The following C1QTNF3 variants were observed in gnomAD, a reference collection of about 807,000 sequenced individuals.
C1QTNF3 encodes the protein complement C1q tumor necrosis factor-related protein 3.
C1QTNF3 carries 26 observed loss-of-function variants against 32.6 expected under a neutral mutation model. The observed-to-expected ratio is 0.80, with a 90% CI of 0.58 to 1.11. C1QTNF3 has a LOEUF of 1.11. C1QTNF3 is among the 50% of genes least tolerant of loss of function. The pLI, the probability that C1QTNF3 is intolerant of heterozygous loss-of-function variation, is 0.00. For missense variants in C1QTNF3, 362 were observed against 398.2 expected (o/e 0.91, Z 0.77); for synonymous variants, 155 against 146.0 (o/e 1.06, Z -0.44).
chr5:34,096,768 G>A, the C1QTNF3 span, among the ~76,000 whole-genome samples: 1 of 151,904 alleles, frequency 6.6e-6, no homozygotes, highest in Non-Finnish European at 1.5e-5. Flanking sequence ...TATAAACCTG[G>A]GTTAATGGAG....
the C1QTNF3 span, among the ~76,000 whole-genome samples, chr5:34,132,053 A>G: frequency 9.2e-5 from 14 of 152,128 alleles, no homozygotes. Context: ...AATTGTGATG[A>G]CTCGTGTGAT....
At chr5:34,052,626 T>C in the C1QTNF3 span, among the ~76,000 whole-genome samples, 2 of 152,344 alleles carry the variant, frequency 1.3e-5, no homozygotes, top group Non-Finnish European at 2.9e-5. Context: ...GCTCATGATA[T>C]CTATCTTACA....
At chr5:34,176,554 A>G in the C1QTNF3 span, among the ~76,000 whole-genome samples, 3 of 152,270 alleles carry the variant, frequency 2.0e-5, no homozygotes, top group East Asian at 5.8e-4. Context: ...CTATCTGCTG[A>G]TACAGTCTTA....
the C1QTNF3 span, among the ~76,000 whole-genome samples, chr5:34,101,203 C>G: frequency 1.3e-5 from 2 of 150,870 alleles, no homozygotes; most frequent in Non-Finnish European, 3.0e-5. Flanking sequence ...AACCCACCAC[C>G]CAGAATGCTT....
chr5:34,163,438 T>G, the C1QTNF3 span, among the ~76,000 whole-genome samples: 1 of 151,172 alleles, frequency 6.6e-6, no homozygotes, highest in African/African-American at 2.4e-5. Flanking sequence ...TTATTATATT[T>G]GTATTTTAAT....
chr5:34,157,630 T>C, the C1QTNF3 span, among the ~76,000 whole-genome samples: 1 of 152,198 alleles, frequency 6.6e-6, no homozygotes, highest in East Asian at 1.9e-4. Context: ...GAAAGAGAGA[T>C]GTGACTATAG....
chr5:34,197,407 A>C, the C1QTNF3 span, among the ~76,000 whole-genome samples: 6 of 152,252 alleles, frequency 3.9e-5, no homozygotes, highest in Admixed American at 3.3e-4. Context: ...TTATAAAAGA[A>C]ATCCCAAAAT....
chr5:34,133,654 C>T, the C1QTNF3 span, among the ~76,000 whole-genome samples: 3 of 152,158 alleles, frequency 2.0e-5, no homozygotes, highest in Admixed American at 6.5e-5. Context: ...GTTACACTGA[C>T]GAGGTCATGT....
the C1QTNF3 span, among the ~76,000 whole-genome samples, chr5:34,213,740 AGTG>A: frequency 4.4e-5 from 6 of 136,768 alleles, no homozygotes; most frequent in East Asian, 2.1e-4. Context: ...ACGTATATAT[AGTG>A]TGTGTATATA....
the C1QTNF3 span, among the ~76,000 whole-genome samples, chr5:34,201,804 C>T: frequency 2.6e-5 from 4 of 152,152 alleles, no homozygotes; most frequent in Non-Finnish European, 5.9e-5. Flanking sequence ...AAGTGCATTT[C>T]ATACATATAC....
At chr5:34,175,764 A>C in the C1QTNF3 span, 1 of 655,948 alleles carries the variant, frequency 1.5e-6, no homozygotes, top group South Asian at 1.8e-5. Flanking sequence ...AGAATGGGCA[A>C]GGCAACCTGA....
At chr5:34,197,083 T>C in the C1QTNF3 span, among the ~76,000 whole-genome samples, 1 of 152,310 alleles carries the variant, frequency 6.6e-6, no homozygotes, top group South Asian at 2.1e-4. Context: ...CAGAAGACTC[T>C]TACTGCCTCA....
chr5:34,157,125 CTT>C, the C1QTNF3 span, among the ~76,000 whole-genome samples: 1 of 152,114 alleles, frequency 6.6e-6, no homozygotes. Flanking sequence ...GGGAATAGGA[CTT>C]TCGGCAAATT....
intron 5 of C1QTNF3, among the ~76,000 whole-genome samples, chr5:34,021,806 C>G (rs1754335263): frequency 6.6e-6 from 1 of 152,198 alleles, no homozygotes; most frequent in African/African-American, 2.4e-5. Context: ...GGACAAATAA[C>G]TAACACATGC....
the C1QTNF3 span, among the ~76,000 whole-genome samples, chr5:34,220,732 T>C: frequency 4.6e-5 from 7 of 152,112 alleles, no homozygotes; most frequent in Non-Finnish European, 1.5e-5. Flanking sequence ...TATGAGAGTT[T>C]TGGAAATAAT....
At chr5:34,104,019 T>C in the C1QTNF3 span, among the ~76,000 whole-genome samples, 1 of 143,874 alleles carries the variant, frequency 7.0e-6, no homozygotes, top group African/African-American at 2.6e-5. Flanking sequence ...CCCAATATGA[T>C]ATGTGGAGAA....
At chr5:34,047,822 G>T (rs1363315681), upstream of C1QTNF3, among the ~76,000 whole-genome samples, 1 of 152,180 alleles carries the variant, frequency 6.6e-6, no homozygotes, top group African/African-American at 2.4e-5. Context: ...TCCAGTTGAA[G>T]AAGAAGTTTT....
At chr5:34,029,429 G>A (rs1375426432) in intron 3 of C1QTNF3, among the ~76,000 whole-genome samples, 1 of 151,968 alleles carries the variant, frequency 6.6e-6, no homozygotes, top group African/African-American at 2.4e-5. Flanking sequence ...CGTGAGCCAT[G>A]GTGCCTAGCC....
the C1QTNF3 span, among the ~76,000 whole-genome samples, chr5:34,188,208 G>C: frequency 6.9e-6 from 1 of 144,938 alleles, no homozygotes; most frequent in Non-Finnish European, 1.5e-5. Flanking sequence ...AAAATGCCTG[G>C]AAATCCAGGC....
Sources: allele counts gnomAD v4.1 joint callset (sites outside exome capture counted in the v4.1 genomes callset), GRCh38; gene constraint gnomAD v4.1.1; transcripts MANE v1.5; gene names NCBI Gene and HGNC (gene_info 2026-07-23, HGNC 2026-07-21).